The following NOS1AP variants were observed in gnomAD, a reference collection of about 807,000 sequenced individuals.
NOS1AP encodes the protein carboxyl-terminal PDZ ligand of neuronal nitric oxide synthase protein.
Under a neutral mutation model 56.2 loss-of-function variants are expected in NOS1AP, and 21 were observed. The ratio of observed to expected loss-of-function variants is 0.37; its 90% CI spans 0.26 to 0.54. The LOEUF is 0.54. Among genes scored for constraint, NOS1AP ranks in the 20% least tolerant of loss-of-function variants. The pLI, the probability that NOS1AP is intolerant of heterozygous loss-of-function variation, is 0.84. For missense variants in NOS1AP, 522 were observed against 657.8 expected, an observed-to-expected ratio of 0.79 and a Z score of 2.26; for synonymous variants, 270 against 274.6, an observed-to-expected ratio of 0.98 and a Z score of 0.17.
In NOS1AP at chr1:162,355,250, C is replaced by T. The variant is rs757703119; in HGVS notation, c.659C>T (p.Ala220Val). ...TATAEETDIDAVEVPLPGNDV... is the reference protein window; with the variant it reads ...TATAEETDIDVVEVPLPGNDV... ...ACTGCAGAGGAGACTGACATCGATG[C>T]GGTGGAGGTCCCACTTCCAGGGAAT... Residue 220 changes from alanine to valine, a missense_variant, in exon 7 of 10, where the codon GCG becomes GTG. This residue lies in a region of NOS1AP where 178 missense variants were observed against 165.0 expected (regional missense o/e 1.08). Transcript: ENST00000361897. 1.4e-5 allele frequency: 23 copies of T among 1,613,912 alleles called. No homozygotes were observed. Among genetic ancestry groups the T allele is most frequent in the Admixed American group, 1.7e-5 (1 of 59,992 alleles).
At chr1:162,200,410 CTG>C (rs1156611672) in intron 2 of NOS1AP, among the ~76,000 whole-genome samples, 1 of 152,200 alleles carries the variant, frequency 6.6e-6, no homozygotes, top group Admixed American at 6.5e-5. Context: ...GAAGTGCTGT[CTG>C]TGACTCCTTG....
At chr1:162,249,392 A>G (rs1040654288) in intron 2 of NOS1AP, among the ~76,000 whole-genome samples, 10 of 152,198 alleles carry the variant, frequency 6.6e-5, no homozygotes, top group Admixed American at 6.5e-5. Flanking sequence ...TGGGTATTTT[A>G]GTATGGTCAC....
intron 4 of NOS1AP, among the ~76,000 whole-genome samples, chr1:162,327,194 T>C (rs1656619955): frequency 6.6e-6 from 1 of 152,210 alleles, no homozygotes; most frequent in African/African-American, 2.4e-5. Flanking sequence ...TCTTGGTTTT[T>C]TTCTTCTCAA....
chr1:162,328,819 C>G lies in NOS1AP; in HGVS notation c.345-4198C>G, dbSNP rs549896845. 2.6e-5 allele frequency among the ~76,000 whole-genome samples: 4 copies of G among 152,332 alleles called. No homozygotes were observed. The South Asian group carries it at 8.3e-4, about 32-fold the overall frequency. On this transcript the variant is annotated intron_variant, in intron 4 of 9. Coordinates refer to ENST00000361897, the MANE Select transcript of NOS1AP (RefSeq NM_014697.3). ...GAACCTCTTAAAAAGGGATCAGATA[C>G]TTTGTTAGAGAGTGAATTGCCTATC...
At chr1:162,199,636 G>GTGTGTGTC (rs1651925006) in intron 2 of NOS1AP, among the ~76,000 whole-genome samples, 1 of 124,100 alleles carries the variant, frequency 8.1e-6, no homozygotes, top group African/African-American at 3.3e-5. Flanking sequence ...GTGTGTGTGT[G>GTGTGTGTC]TGTGTCTGTG....
chr1:162,281,521 T>C (rs1463967646), intron 2 of NOS1AP, among the ~76,000 whole-genome samples: 1 of 152,180 alleles, frequency 6.6e-6, no homozygotes, highest in Non-Finnish European at 1.5e-5. Context: ...TAACCAACTC[T>C]GTGGGAGGAT....
At chr1:162,304,551 A>G (rs551531233) in intron 4 of NOS1AP, among the ~76,000 whole-genome samples, 4 of 147,860 alleles carry the variant, frequency 2.7e-5, no homozygotes, top group Non-Finnish European at 4.5e-5. Context: ...GGGGAATGCC[A>G]AATACATTTT....
chr1:162,278,220 A>C (rs1401519263), intron 2 of NOS1AP, among the ~76,000 whole-genome samples: 1 of 152,098 alleles, frequency 6.6e-6, no homozygotes, highest in East Asian at 1.9e-4. Context: ...TTCCTACAAG[A>C]GCTATGAAGG....
intron 4 of NOS1AP, among the ~76,000 whole-genome samples, chr1:162,309,006 T>G (rs1294771235): frequency 1.3e-5 from 2 of 152,244 alleles, no homozygotes; most frequent in Non-Finnish European, 2.9e-5. Context: ...GTTTTACCTC[T>G]GTGCTCAGTG....
chr1:162,301,251 G>A (rs904483965), intron 4 of NOS1AP, among the ~76,000 whole-genome samples: 27 of 152,056 alleles, frequency 1.8e-4, no homozygotes, highest in African/African-American at 5.3e-4. Context: ...AGACCTTTGG[G>A]GGTGATTAAG....
At chr1:162,119,968 C>G (rs567806924) in intron 1 of NOS1AP, among the ~76,000 whole-genome samples, 1 of 152,248 alleles carries the variant, frequency 6.6e-6, no homozygotes, top group East Asian at 1.9e-4. Flanking sequence ...AAGTACGAAC[C>G]TATCCTGTGA....
intron 1 of NOS1AP, among the ~76,000 whole-genome samples, chr1:162,143,547 G>A (rs114554357): frequency 0.03 from 4,615 of 152,078 alleles, 119 homozygotes; most frequent in Non-Finnish European, 0.044. Context: ...CTTGACCTCC[G>A]GGGCTCAAGC....
chr1:162,300,662 G>A lies in NOS1AP; in HGVS notation c.300G>A (p.Thr100=), dbSNP rs578153577. The part of the protein sequence containing the change: ...KLLLLQKKEW[T]WDESKMLVMQ... ...TTTTATTGCAGAAAAAGGAATGGAC[G>A]TGGGATGAGAGCAAGATGCTGGTGA... The change falls in exon 4 of 10, where the codon ACG becomes ACA. Residue 100 remains threonine, a synonymous_variant. Transcript: ENST00000361897. 49 of 1,614,034 alleles carry A rather than the reference G, an allele frequency of 3.0e-5. No homozygotes were observed. In the Admixed American group the frequency reaches 5.3e-4, roughly 18 times the overall value.
rs137882682 is a variant in NOS1AP, at chr1:162,268,150, T to G, written c.178-19194T>G. ...GGCGTGTGCCTGTAATCCCAGCTAT[T>G]CGGGAGAGTGAGGCGTGAGAATTGC... On this transcript the variant is annotated intron_variant, in intron 2 of 9. Transcript: ENST00000361897. Among the ~76,000 whole-genome samples the G allele has an allele frequency of 4.5e-3, 690 of 151,972 alleles. 3 individuals are homozygous for G. The highest frequency in any genetic ancestry group is 0.01 in the Middle Eastern group (3 of 294).
chr1:162,081,433 G>A (rs1310857178), intron 1 of NOS1AP, among the ~76,000 whole-genome samples: 2 of 152,046 alleles, frequency 1.3e-5, no homozygotes, highest in Non-Finnish European at 2.9e-5. Flanking sequence ...AGCTCTGGGA[G>A]GCCCTTCCTG....
intron 2 of NOS1AP, among the ~76,000 whole-genome samples, chr1:162,230,956 G>A (rs914885662): frequency 6.6e-6 from 1 of 152,198 alleles, no homozygotes; most frequent in Admixed American, 6.5e-5. Flanking sequence ...GAACATAGGT[G>A]TACAAATATC....
At position 162,081,203 on chromosome 1, in the gene NOS1AP, A is replaced by G. The variant is rs942511289; in HGVS notation, c.105+10921A>G. ...ATAGGTTTTATTGTTCCAGTTTTTC[A>G]GAGGAGGGTCTTTTAGGTTGGATTG... On this transcript the variant is annotated intron_variant, in intron 1 of 9. Coordinates refer to ENST00000361897, the MANE Select transcript of NOS1AP (RefSeq NM_014697.3). 3.9e-5 allele frequency among the ~76,000 whole-genome samples: 6 copies of G among 152,228 alleles called. No homozygotes were observed. In the East Asian group the frequency reaches 1.2e-3, roughly 29 times the overall value.
At chr1:162,363,939 G>A in intron 8 of NOS1AP, 1 of 985,412 alleles carries the variant, frequency 1.0e-6, no homozygotes, top group South Asian at 4.7e-5. Context: ...ATCAGAAATA[G>A]GGTCAACGGC....
chr1:162,116,905 C>T (rs1647981987), intron 1 of NOS1AP, among the ~76,000 whole-genome samples: 2 of 152,176 alleles, frequency 1.3e-5, no homozygotes, highest in South Asian at 4.1e-4. Context: ...GATGTTGCTA[C>T]ATAGATCTGT....
Sources: gnomAD v4.1 joint callset for allele counts (sites outside exome capture counted in the v4.1 genomes callset) on GRCh38, gnomAD v4.1.1 for gene constraint, gnomAD v4.1.1 regional missense constraint, MANE v1.5 for transcripts, NCBI Gene and HGNC (gene_info 2026-07-23, HGNC 2026-07-21) for gene names.